The following ATP8A1 variants were observed in gnomAD, a reference collection of about 807,000 sequenced individuals.
ATP8A1 encodes the protein ATPase phospholipid transporting 8A1, also known as phospholipid-transporting ATPase IA.
In ATP8A1, 90 loss-of-function variants were observed where a neutral mutation model predicts 177.7. That is an observed-to-expected ratio of 0.51 (90% confidence interval 0.43 to 0.60). The LOEUF is 0.60. Ranked by LOEUF, ATP8A1 falls within the 20% of genes least tolerant of loss-of-function variation. The probability of loss-of-function intolerance (pLI) is 0.00; values close to 1 mark genes in which losing one functional copy is unlikely to be tolerated. For synonymous variants in ATP8A1, 493 were observed against 485.9 expected, an observed-to-expected ratio of 1.01 and a Z score of -0.19; for missense variants, 1,072 against 1,392.8, an observed-to-expected ratio of 0.77 and a Z score of 3.67.
intron 33 of ATP8A1, among the ~76,000 whole-genome samples, chr4:42,426,714 G>A (rs1424106221): frequency 6.6e-6 from 1 of 152,182 alleles, no homozygotes; most frequent in Non-Finnish European, 1.5e-5. Context: ...CTTCATGGAA[G>A]CAAATTTTTA....
At position 42,625,592 on chromosome 4, in the gene ATP8A1, A is replaced by G. The variant is rs372313642; in HGVS notation, c.264+22T>C. ...TTTATTAGTACCTGAACATTTGACA[A>G]GGTTTTATGACGTGACTTTACCTGC... On this transcript the variant is annotated intron_variant, in intron 3 of 36. Coordinates refer to ENST00000381668, the MANE Select transcript of ATP8A1 (RefSeq NM_006095.2). 2.4e-5 allele frequency: 36 copies of G among 1,507,940 alleles called. No homozygotes were observed. The African/African-American group carries it at 4.5e-4, about 19-fold the overall frequency. 93.4% of individuals were successfully genotyped at this position (1,507,940 alleles called of 1,614,324 possible). A position where few individuals can be genotyped will look rare whatever the true frequency, so the allele number is the denominator to read the frequency against.
rs562536517 is a variant in ATP8A1 at position 42,445,430 on chromosome 4, AC to A, written c.2959-797del. On this transcript the variant is annotated intron_variant, in intron 31 of 36. Transcript: ENST00000381668. The stretch of plus-strand genomic sequence containing the variant: ...TTTTTTTTCTTTTCTTGAGAGTAAA[AC>A]TCTAAAATACTCAGAACAGTGATTA... Among the ~76,000 whole-genome samples, 32 of 152,214 alleles carry A rather than the reference AC, an allele frequency of 2.1e-4. No homozygotes were observed. In the South Asian group the frequency reaches 2.7e-3, roughly 13 times the overall value.
chr4:42,580,017 C>A, intron 10 of ATP8A1, 39 bp from the exon 11 acceptor site: 1 of 1,500,376 alleles, frequency 6.7e-7, no homozygotes, highest in Non-Finnish European at 9.1e-7. Flanking sequence ...AAAATGTACA[C>A]CAATGATTTA....
At chr4:42,480,870 C>T (rs1266534249) in intron 25 of ATP8A1, among the ~76,000 whole-genome samples, 1 of 152,092 alleles carries the variant, frequency 6.6e-6, no homozygotes, top group Admixed American at 6.5e-5. Context: ...ATGCTTACTT[C>T]AATTTAACTT....
intron 24 of ATP8A1, among the ~76,000 whole-genome samples, chr4:42,487,972 T>C (rs1284745915): frequency 6.6e-6 from 1 of 152,166 alleles, no homozygotes; most frequent in Admixed American, 6.5e-5. Flanking sequence ...AGAGTAGCTG[T>C]TTTAATTTAC....
Position 42,461,244 on chromosome 4 carries a change from C to CTT in ATP8A1, c.2619+3444_2619+3445dup, listed in dbSNP as rs777847439. Among the ~76,000 whole-genome samples, 528 of 84,490 alleles carry CTT rather than the reference C, an allele frequency of 6.2e-3. 10 individuals carry two copies. Among genetic ancestry groups the CTT allele is most frequent in the Middle Eastern group, 0.015 (2 of 134 alleles). The allele number at this position is 84,490 out of a possible 152,430, so 55.4% of individuals were successfully genotyped here. A position where few individuals can be genotyped will look rare whatever the true frequency, so the allele number is the denominator to read the frequency against. On this transcript the variant is annotated intron_variant, in intron 27 of 36. Coordinates refer to ENST00000381668, the MANE Select transcript of ATP8A1 (RefSeq NM_006095.2). The stretch of plus-strand genomic sequence containing the variant: ...TAAAATATACTGAGATCAATTTTTT[C>CTT]TTTCTTTTTTTTTTTTTTGCTTTTT...
intron 25 of ATP8A1, among the ~76,000 whole-genome samples, chr4:42,475,382 T>C (rs1720933544): frequency 6.6e-6 from 1 of 151,290 alleles, no homozygotes; most frequent in African/African-American, 2.4e-5. Context: ...ACAGCATTGT[T>C]AACCACTATA....
intron 25 of ATP8A1, among the ~76,000 whole-genome samples, chr4:42,474,618 G>A (rs1720845842): frequency 6.6e-6 from 1 of 152,178 alleles, no homozygotes; most frequent in South Asian, 2.1e-4. Context: ...TGGCTGTGCT[G>A]ACAGACCCCC....
intron 19 of ATP8A1, among the ~76,000 whole-genome samples, chr4:42,547,177 C>A (rs1729018821): frequency 6.6e-6 from 1 of 152,152 alleles, no homozygotes; most frequent in Non-Finnish European, 1.5e-5. Context: ...CACATCTATT[C>A]CTATTCCCAC....
At chr4:42,509,102 G>A (rs1309082292) in intron 22 of ATP8A1, among the ~76,000 whole-genome samples, 5 of 152,134 alleles carry the variant, frequency 3.3e-5, no homozygotes, top group Admixed American at 6.5e-5. Context: ...CCTCACTTAC[G>A]TAGTACTGAA....
At chr4:42,577,242 A>G (rs1395903094) in intron 12 of ATP8A1, among the ~76,000 whole-genome samples, 2 of 152,218 alleles carry the variant, frequency 1.3e-5, no homozygotes, top group African/African-American at 2.4e-5. Context: ...TATTATTGCT[A>G]TAAGAAACTT....
At chr4:42,590,727 C>G (rs28756164) in intron 7 of ATP8A1, 84 bp downstream of exon 7, 1 of 1,256,842 alleles carries the variant, frequency 8.0e-7, no homozygotes, top group African/African-American at 1.5e-5. Flanking sequence ...AGACACAGAA[C>G]TCAACCATAT....
intron 33 of ATP8A1, among the ~76,000 whole-genome samples, chr4:42,429,680 T>C (rs1425822662): frequency 6.6e-6 from 1 of 152,168 alleles, no homozygotes; most frequent in Non-Finnish European, 1.5e-5. Context: ...AAAAAATCCA[T>C]ACACCAATGT....
chr4:42,580,097 G>A (rs971565002), intron 10 of ATP8A1, 119 bp from the exon 11 acceptor site: 21 of 686,906 alleles, frequency 3.1e-5, no homozygotes, highest in Admixed American at 7.9e-5. Context: ...GGGTGGATAC[G>A]TGAAAATTAT....
intron 29 of ATP8A1, among the ~76,000 whole-genome samples, chr4:42,454,125 C>T (rs1311350242): frequency 1.3e-5 from 2 of 152,174 alleles, no homozygotes; most frequent in Non-Finnish European, 2.9e-5. Flanking sequence ...CCTGAGCTAA[C>T]CAAATTCATT....
At chr4:42,649,392 C>G (rs933890952) in intron 1 of ATP8A1, among the ~76,000 whole-genome samples, 22 of 152,074 alleles carry the variant, frequency 1.4e-4, no homozygotes, top group African/African-American at 5.3e-4. Context: ...ACAAATATAT[C>G]TTTTCTGGAA....
At chr4:42,502,199 T>C (rs1333185140) in intron 24 of ATP8A1, among the ~76,000 whole-genome samples, 1 of 152,192 alleles carries the variant, frequency 6.6e-6, no homozygotes, top group African/African-American at 2.4e-5. Flanking sequence ...CTGCTTTTAC[T>C]GAAATTTAGT....
chr4:42,606,384 G>A (rs539217240), intron 5 of ATP8A1, among the ~76,000 whole-genome samples: 3 of 152,162 alleles, frequency 2.0e-5, no homozygotes, highest in Non-Finnish European at 4.4e-5. Flanking sequence ...TGAATTTCAG[G>A]AAAGCCCAGG....
intron 24 of ATP8A1, among the ~76,000 whole-genome samples, chr4:42,486,139 C>T (rs961596021): frequency 6.6e-6 from 1 of 152,160 alleles, no homozygotes; most frequent in South Asian, 2.1e-4. Flanking sequence ...TAACCTGACG[C>T]GTTCACCCCA....
Sources: gnomAD v4.1 joint callset for allele counts (sites outside exome capture counted in the v4.1 genomes callset) on GRCh38, gnomAD v4.1.1 for gene constraint, MANE v1.5 for transcripts, NCBI Gene and HGNC (gene_info 2026-07-23, HGNC 2026-07-21) for gene names.